Variants in PDZRN3 observed in about 807,000 individuals in gnomAD.
PDZRN3 encodes E3 ubiquitin-protein ligase PDZRN3.
PDZRN3 carries 38 observed loss-of-function variants against 85.7 expected under a neutral mutation model. That is an observed-to-expected ratio of 0.44 (90% confidence interval 0.34 to 0.58). The LOEUF (loss-of-function observed/expected upper bound fraction) is 0.58. Ranked by LOEUF, PDZRN3 falls within the 20% of genes least tolerant of loss-of-function variation. The pLI, the probability that PDZRN3 is intolerant of heterozygous loss-of-function variation, is 0.01. For synonymous variants in PDZRN3, 759 were observed against 638.0 expected, an observed-to-expected ratio of 1.19 and a Z score of -2.86; for missense variants, 1,629 against 1,506.4, an observed-to-expected ratio of 1.08 and a Z score of -1.35.
At chr3:73,455,472 A>AT (rs1209386027) in intron 3 of PDZRN3, among the ~76,000 whole-genome samples, 1 of 152,226 alleles carries the variant, frequency 6.6e-6, no homozygotes, top group African/African-American at 2.4e-5. Context: ...TGAAAAAGAC[A>AT]TATCAGATCT....
At chr3:73,553,849 G>A (rs960942549) in intron 3 of PDZRN3, among the ~76,000 whole-genome samples, 4 of 152,212 alleles carry the variant, frequency 2.6e-5, no homozygotes, top group South Asian at 4.1e-4. Context: ...GGCATGGACA[G>A]GGTGACAGGA....
intron 3 of PDZRN3, among the ~76,000 whole-genome samples, chr3:73,426,127 C>A (rs981741878): frequency 6.6e-6 from 1 of 151,896 alleles, no homozygotes; most frequent in African/African-American, 2.4e-5. Context: ...AATGCTGGAG[C>A]CTGGAGTGAT....
chr3:73,396,101 T>G (rs1701630095), intron 5 of PDZRN3, among the ~76,000 whole-genome samples: 2 of 152,206 alleles, frequency 1.3e-5, no homozygotes, highest in African/African-American at 4.8e-5. Flanking sequence ...CACATACCTG[T>G]AATCCCAGCT....
intron 3 of PDZRN3, among the ~76,000 whole-genome samples, chr3:73,440,784 C>G (rs1430026447): frequency 6.6e-6 from 1 of 152,208 alleles, no homozygotes; most frequent in Non-Finnish European, 1.5e-5. Flanking sequence ...AGAGTGAACT[C>G]AGCCCAGTCC....
At chr3:73,389,140 G>C (rs755370391) in intron 7 of PDZRN3, among the ~76,000 whole-genome samples, 3 of 151,932 alleles carry the variant, frequency 2.0e-5, no homozygotes, top group Non-Finnish European at 4.4e-5. Context: ...AGTGGATTAA[G>C]AATGAGAGGA....
intron 1 of PDZRN3, among the ~76,000 whole-genome samples, chr3:73,616,210 C>T (rs181168046): frequency 3.1e-4 from 47 of 152,322 alleles, no homozygotes; most frequent in Non-Finnish European, 5.0e-4. Context: ...ACTGAGCAGA[C>T]GCCGGTGCCA....
rs566512804 is a variant in PDZRN3, at chr3:73,526,543, A to G, written c.918+75811T>C. On this transcript the variant is annotated intron_variant, in intron 3 of 9. Coordinates refer to ENST00000263666, the MANE Select transcript of PDZRN3 (RefSeq NM_015009.3). ...GGAGCAGTCAGAAACAAAGTACAATATATCTATGAAGAACAAATCTGTAGC... is the reference window on the plus strand; with the variant it reads ...GGAGCAGTCAGAAACAAAGTACAATGTATCTATGAAGAACAAATCTGTAGC... Among the ~76,000 whole-genome samples, 8 of 152,330 alleles carry G rather than the reference A, an allele frequency of 5.3e-5. No homozygotes were observed. In the South Asian group the frequency reaches 6.2e-4, roughly 12 times the overall value.
At chr3:73,519,499 C>G (rs900337762) in intron 3 of PDZRN3, among the ~76,000 whole-genome samples, 1 of 152,158 alleles carries the variant, frequency 6.6e-6, no homozygotes, top group African/African-American at 2.4e-5. Context: ...AGTTCTTCCA[C>G]AAGGAATGTG....
intron 5 of PDZRN3, among the ~76,000 whole-genome samples, chr3:73,399,825 C>T (rs946155612): frequency 6.6e-6 from 1 of 152,160 alleles, no homozygotes; most frequent in Non-Finnish European, 1.5e-5. Context: ...GTCAGTCATG[C>T]CACTGGCAAC....
At chr3:73,427,575 C>G (rs975496330) in intron 3 of PDZRN3, among the ~76,000 whole-genome samples, 4 of 152,146 alleles carry the variant, frequency 2.6e-5, no homozygotes, top group African/African-American at 7.2e-5. Flanking sequence ...GTGACAGGAA[C>G]ACAGAGAGAG....
chr3:73,450,867 A>C (rs1702843897), intron 3 of PDZRN3, among the ~76,000 whole-genome samples: 1 of 152,094 alleles, frequency 6.6e-6, no homozygotes, highest in Non-Finnish European at 1.5e-5. Context: ...CAGAATCAAC[A>C]ATCAAAAAAG....
At chr3:73,591,676 C>A (rs1203255696) in intron 3 of PDZRN3, among the ~76,000 whole-genome samples, 2 of 152,132 alleles carry the variant, frequency 1.3e-5, no homozygotes, top group African/African-American at 4.8e-5. Context: ...AGTATTCAGA[C>A]ACACAAAGAA....
chr3:73,588,487 T>A lies in PDZRN3; in HGVS notation c.918+13867A>T, dbSNP rs6801287. ...TACACAGGTGAACATGCTCCTGAAC[T>A]ACTGCCCAGATCGGGAGCAGAATGG... On this transcript the variant is annotated intron_variant, in intron 3 of 9. Coordinates refer to ENST00000263666, the MANE Select transcript of PDZRN3 (RefSeq NM_015009.3). Among the ~76,000 whole-genome samples, 3 of 152,044 alleles carry A rather than the reference T, an allele frequency of 2.0e-5. No homozygotes were observed. In the South Asian group the frequency reaches 6.2e-4, roughly 32 times the overall value.
chr3:73,498,355 G>GT (rs955859312), intron 3 of PDZRN3, among the ~76,000 whole-genome samples: 2 of 152,148 alleles, frequency 1.3e-5, no homozygotes, highest in African/African-American at 4.8e-5. Context: ...ACAGTTGGTA[G>GT]TATGTACCAA....
intron 3 of PDZRN3, among the ~76,000 whole-genome samples, chr3:73,485,315 T>C (rs930039451): frequency 1.3e-4 from 19 of 149,210 alleles, no homozygotes; most frequent in Middle Eastern, 7.1e-3. Flanking sequence ...TATATTATTT[T>C]ATAATATTAA....
chr3:73,421,040 G>A (rs1227105032), intron 3 of PDZRN3, among the ~76,000 whole-genome samples: 1 of 152,116 alleles, frequency 6.6e-6, no homozygotes, highest in South Asian at 2.1e-4. Context: ...CATAGTACTG[G>A]CATGTGGCAA....
At chr3:73,502,833 T>C (rs1704006594) in intron 3 of PDZRN3, among the ~76,000 whole-genome samples, 1 of 152,182 alleles carries the variant, frequency 6.6e-6, no homozygotes, top group Admixed American at 6.5e-5. Flanking sequence ...AGCCCTCCTC[T>C]CTCAGTTGAA....
At chr3:73,600,733 T>A (rs1702505075) in intron 3 of PDZRN3, among the ~76,000 whole-genome samples, 1 of 152,220 alleles carries the variant, frequency 6.6e-6, no homozygotes. Context: ...TTAGAGAAAC[T>A]GGCTGTTCCA....
chr3:73,436,336 C>T (rs953631522), intron 3 of PDZRN3, among the ~76,000 whole-genome samples: 18 of 152,184 alleles, frequency 1.2e-4, no homozygotes, highest in African/African-American at 4.1e-4. Flanking sequence ...AAAACATACT[C>T]ACTGCATGAA....
Sources: allele counts gnomAD v4.1 joint callset (sites outside exome capture counted in the v4.1 genomes callset), GRCh38; gene constraint gnomAD v4.1.1; transcripts MANE v1.5; gene names NCBI Gene and HGNC (gene_info 2026-07-23, HGNC 2026-07-21).